The following SPEG variants were observed in gnomAD, a reference collection of about 807,000 sequenced individuals.
SPEG encodes the protein striated muscle preferentially expressed protein kinase.
In SPEG, 114 loss-of-function variants were observed where a neutral mutation model predicts 300.4. That is an observed-to-expected ratio of 0.38 (90% CI 0.33 to 0.44). The LOEUF (loss-of-function observed/expected upper bound fraction) is 0.44. Ranked by LOEUF, SPEG falls within the 20% of genes least tolerant of loss-of-function variation. The pLI is 1.00. For missense variants in SPEG, 4,201 were observed against 4,586.2 expected (o/e 0.92, Z 2.43); for synonymous variants, 1,964 against 2,018.9 (o/e 0.97, Z 0.73).
chr2:219,482,947 C>T, intron 29 of SPEG, 95 bp downstream of exon 29: 1 of 1,427,764 alleles, frequency 7.0e-7, no homozygotes, highest in East Asian at 2.4e-5. Flanking sequence ...CTGCTCCTGT[C>T]TTCTCGCTTT....
In SPEG at chr2:219,451,316, T is replaced by C. The variant is rs1454216539; in HGVS notation, c.2257+37T>C. On this transcript the variant is annotated intron_variant, in intron 5 of 40. Transcript: ENST00000312358. This position sits in a 1 kb window ranked among gnomAD's most constrained non-coding sequence, Gnocchi z 6.4. ...CACTGGGCCAAGGTGCGGTCGAGGT[T>C]GGGAGGGGGTGTGTGAGAAGGGAAG... is the stretch of plus-strand genomic sequence containing the variant. 1.3e-6 allele frequency: 2 copies of C among 1,566,524 alleles called. No homozygotes were observed. The highest frequency in any genetic ancestry group is 3.8e-5 in the Admixed American group (2 of 52,788).
Position 219,473,153 on chromosome 2 carries a change from G to A in SPEG, c.4147+57G>A, listed in dbSNP as rs1692041548. On this transcript the variant is annotated intron_variant, in intron 16 of 40. Transcript: ENST00000312358. This position sits in a 1 kb window ranked among gnomAD's most constrained non-coding sequence, Gnocchi z 4.6. ...GGGAGCTGCTGGGATGGGGAATGGG[G>A]GCCCTGTGGTGGAGGCTCAAGGGAT... 1.3e-6 allele frequency: 2 copies of A among 1,526,832 alleles called. No individual in the cohort carries two copies. The highest frequency in any genetic ancestry group is 1.8e-6 in the Non-Finnish European group (2 of 1,119,850). The allele number at this position is 1,526,832 out of a possible 1,614,324, so 94.6% of individuals were successfully genotyped here.
Position 219,483,878 on chromosome 2 carries a change from CG to C in SPEG, c.6419del (p.Gly2140AlafsTer99). 2 of 1,597,744 alleles carry C rather than the reference CG, an allele frequency of 1.3e-6. No individual in the cohort carries two copies. The highest frequency in any genetic ancestry group is 8.5e-7 in the Non-Finnish European group (1 of 1,177,392). On this transcript the variant is annotated frameshift_variant, in exon 30 of 41. Transcript: ENST00000312358. LOFTEE classifies it high-confidence loss of function. ...SSFSQGEAEP[R>X]GRHRRAGAPL... is the part of the protein sequence containing the mutation. ...CTTCTCCCAGGGTGAGGCGGAGCCC[CG>C]GGGCCGGCACCGCCGAGCGGGGGCG...
At position 219,477,765 on chromosome 2, in the gene SPEG, C is replaced by A; in HGVS notation, c.4806C>A (p.Asp1602Glu). 1.9e-6 allele frequency: 3 copies of A among 1,609,432 alleles called. No individual in the cohort carries two copies. The South Asian group carries it at 3.3e-5, about 18-fold the overall frequency. The change falls in exon 21 of 41, where the codon GAC (aspartate) becomes GAA (glutamate). Residue 1602 changes from aspartate (D) to glutamate (E), a missense_variant. Physicochemically the swap from Asp to Glu is conservative, Grantham distance 45. Transcript: ENST00000312358. The surrounding 1 kb of genome is among the most constrained non-coding windows in gnomAD (Gnocchi z 6.4). ...GAAGGAGACTCAGCGACTTTTATGA[C>A]ATCCACCAGGAGATCGGCAGGTGTG... ...HRGRRLSDFYDIHQEIGRGAF... is the reference protein window; with the variant it reads ...HRGRRLSDFYEIHQEIGRGAF...
At position 219,492,183 on chromosome 2, in the gene SPEG, TG is replaced by T. The variant is rs1238759813; in HGVS notation, c.9535del (p.Asp3179MetfsTer45). 6.2e-7 allele frequency: 1 copy of T among 1,613,664 alleles called. No individual in the cohort carries two copies. Among genetic ancestry groups the T allele is most frequent in the Non-Finnish European group, 8.5e-7 (1 of 1,179,932 alleles). Reference sequence around the variant, plus strand: ...AGGCTCGGATTGTGGGGGGCCGCTTTGATGCCTTCCAGCTGTACCCCAATAC... The same window carrying T: ...AGGCTCGGATTGTGGGGGGCCGCTTTATGCCTTCCAGCTGTACCCCAATAC... The part of the protein sequence containing the change: ...TEARIVGGRF[D>X]AFQLYPNTSQ... On this transcript the variant is annotated frameshift_variant, in exon 40 of 41. Transcript: ENST00000312358. LOFTEE classifies it high-confidence loss of function.
rs1460181369 is a variant in SPEG at position 219,483,627 on chromosome 2, G to A, written c.6164G>A (p.Arg2055Gln). ...AGCCCGGGAGCCACCCGCCTGGCCC[G>A]GGGAGGCCTGGGTGAGGGCGAGTAT... ...SPSPGATRLA[R>Q]GGLGEGEYAQ... The change falls in exon 30 of 41, where the codon CGG becomes CAG. Residue 2055 changes from arginine to glutamine, a missense_variant. Transcript: ENST00000312358. 6.6e-7 allele frequency: 1 copy of A among 1,514,588 alleles called. No individual in the cohort carries two copies. The highest frequency in any genetic ancestry group is 1.2e-5 in the South Asian group (1 of 82,404). 93.8% of individuals were successfully genotyped at this position (1,514,588 alleles called of 1,614,324 possible). A position where few individuals can be genotyped will look rare whatever the true frequency, so the allele number is the denominator to read the frequency against.
At chr2:219,440,561 TTTTATTTATTTA>T (rs10606358) in intron 1 of SPEG, among the ~76,000 whole-genome samples, 139 of 143,652 alleles carry the variant, frequency 9.7e-4, no homozygotes, top group Admixed American at 1.8e-3. Flanking sequence ...ATTTATTTTA[TTTTATTTATTTA>T]TTTATTTATT....
In SPEG at chr2:219,483,149, C is replaced by G; in HGVS notation, c.5686C>G (p.Leu1896Val). 1 of 1,609,406 alleles carries G rather than the reference C, an allele frequency of 6.2e-7. No homozygotes were observed. Among genetic ancestry groups the G allele is most frequent in the Non-Finnish European group, 8.5e-7 (1 of 1,179,492 alleles). ...CCTGGTGCTGCGCCCCATCCCCGAGCTGCTGCGGGCCCCCCCAGAGCGGGT... is the reference window on the plus strand; with the variant it reads ...CCTGGTGCTGCGCCCCATCCCCGAGGTGCTGCGGGCCCCCCCAGAGCGGGT... ...CHLVLRPIPE[L>V]LRAPPERVWV... Residue 1896 changes from leucine (L) to valine (V), a missense_variant, in exon 30 of 41, where the codon CTG becomes GTG. Transcript: ENST00000312358.
rs2125310889 is a variant in SPEG at position 219,451,821 on chromosome 2, C to A, written c.2440+14C>A. 6.6e-7 allele frequency: 1 copy of A among 1,519,774 alleles called. No homozygotes were observed. 94.1% of individuals were successfully genotyped at this position (1,519,774 alleles called of 1,614,324 possible). On this transcript the variant is annotated intron_variant, in intron 6 of 40. Coordinates refer to ENST00000312358, the MANE Select transcript of SPEG (RefSeq NM_005876.5). The surrounding 1 kb of genome is among the most constrained non-coding windows in gnomAD (Gnocchi z 6.4). ...CCGTGAGACCCGGTAGGGAGCCCAT[C>A]AACCCTGGGGCTGGGTGGGGGCAAG...
intron 28 of SPEG, 70 bp from the exon 29 acceptor site, chr2:219,482,712 GTC>G (rs1692965870): frequency 7.1e-6 from 10 of 1,403,340 alleles, no homozygotes; most frequent in African/African-American, 1.4e-5. Context: ...CATGGACTTT[GTC>G]TCTCTGTTGC....
rs368256206 is a variant in SPEG, at chr2:219,481,322, G to A, written c.5388G>A (p.Pro1796=). 4.2e-5 allele frequency: 67 copies of A among 1,614,000 alleles called. No homozygotes were observed. The African/African-American group carries it at 6.3e-4, about 15-fold the overall frequency. The change falls in exon 27 of 41, where the codon CCG becomes CCA. Residue 1796 remains proline, a synonymous_variant. Transcript: ENST00000312358. This position sits in a 1 kb window ranked among gnomAD's most constrained non-coding sequence, Gnocchi z 5.4. ...VAFLCLTGIS[P]FVGENDRTTL... ...CCTGCAGTCTGACAGGAATCTCCCC[G>A]TTTGTTGGGGAAAATGACCGGACAA...
At chr2:219,467,069 C>G in intron 9 of SPEG, 105 bp from the exon 10 acceptor site, 1 of 1,335,004 alleles carries the variant, frequency 7.5e-7, no homozygotes. Context: ...CAAAATGCAT[C>G]TCTCTCTCTG....
In SPEG at chr2:219,448,368, C is replaced by G; in HGVS notation, c.1210C>G (p.Leu404Val). 1 of 1,575,592 alleles carries G rather than the reference C, an allele frequency of 6.3e-7. No individual in the cohort carries two copies. The highest frequency in any genetic ancestry group is 8.6e-7 in the Non-Finnish European group (1 of 1,162,836). ...CGCCGGCTCCCGCATCCTGGACAAG[C>G]TGCAGTTCTTCGAGGAGCGACGGCG... is the stretch of plus-strand genomic sequence containing the variant. ...VRAGSRILDK[L>V]QFFEERRRSL... Residue 404 changes from leucine (L) to valine (V), a missense_variant, in exon 4 of 41, where the codon CTG (leucine) becomes GTG (valine). Around this residue, in one of 4 missense-constraint regions of SPEG, gnomAD observed 1,258 missense variants for 1,293.9 expected, o/e 0.97. Coordinates refer to ENST00000312358, the MANE Select transcript of SPEG (RefSeq NM_005876.5).
At chr2:219,442,309 C>G (rs1279968794) in intron 1 of SPEG, among the ~76,000 whole-genome samples, 1 of 151,954 alleles carries the variant, frequency 6.6e-6, no homozygotes, top group African/African-American at 2.4e-5. Flanking sequence ...ATCCCCCGCT[C>G]CCCGATCGCC....
chr2:219,477,333 G>A lies in SPEG; in HGVS notation c.4617G>A (p.Glu1539=), dbSNP rs2125516657. 6.2e-7 allele frequency: 1 copy of A among 1,613,718 alleles called. No individual in the cohort carries two copies. Among genetic ancestry groups the A allele is most frequent in the Middle Eastern group, 1.7e-4 (1 of 6,058 alleles). The change falls in exon 20 of 41, where the codon GAG becomes GAA. Residue 1539 remains glutamate (E), a synonymous_variant. Transcript: ENST00000312358. The surrounding 1 kb of genome is among the most constrained non-coding windows in gnomAD (Gnocchi z 6.4). ...TGAGCTTCGTGTACGAGGAGAATGAGTGCTCCCTGGTGGTGCTCAGCACGG... is the reference window on the plus strand; with the variant it reads ...TGAGCTTCGTGTACGAGGAGAATGAATGCTCCCTGGTGGTGCTCAGCACGG... The part of the protein sequence containing the change: ...SHVSFVYEEN[E]CSLVVLSTGA...
Position 219,448,312 on chromosome 2 carries a change from C to T in SPEG, c.1154C>T (p.Ser385Leu), listed in dbSNP as rs1282654555. The change falls in exon 4 of 41, where the codon TCG (serine) becomes TTG (leucine). Residue 385 changes from serine (S) to leucine (L), a missense_variant. By Grantham distance (145) the Ser-to-Leu change is moderately radical (BLOSUM62 -2). This residue lies in a region of SPEG where 1,258 missense variants were observed against 1,293.9 expected (regional missense o/e 0.97). Transcript: ENST00000312358. ...CTGAGCGAGGCCTCAGGCCGCCTGTCGGCGTTGGGCCGATCGCCTAGGCTG... is the reference window on the plus strand; with the variant it reads ...CTGAGCGAGGCCTCAGGCCGCCTGTTGGCGTTGGGCCGATCGCCTAGGCTG... ...TPLSEASGRLSALGRSPRLVR... is the reference protein window; with the variant it reads ...TPLSEASGRLLALGRSPRLVR... 3 of 1,605,524 alleles carry T rather than the reference C, an allele frequency of 1.9e-6. No homozygotes were observed. Among genetic ancestry groups the T allele is most frequent in the Non-Finnish European group, 2.5e-6 (3 of 1,177,150 alleles).
chr2:219,462,063 A>G lies in SPEG; in HGVS notation c.2616+6A>G. 6.3e-7 allele frequency: 1 copy of G among 1,593,674 alleles called. No homozygotes were observed. Among genetic ancestry groups the G allele is most frequent in the Non-Finnish European group, 8.5e-7 (1 of 1,172,672 alleles). ...AGGCACCCCCCACCTTCAAGGTCAG[A>G]CCCCTGAGGCTGGGGCCTAGCCTCC... On this transcript the variant is annotated splice_donor_region_variant and intron_variant, in intron 7 of 40. Coordinates refer to ENST00000312358, the MANE Select transcript of SPEG (RefSeq NM_005876.5).
At chr2:219,441,478 C>T (rs926635097) in intron 1 of SPEG, 6 of 467,924 alleles carry the variant, frequency 1.3e-5, no homozygotes, top group African/African-American at 1.0e-4. Context: ...CGCCCCCACC[C>T]GGCGCTGTGC....
chr2:219,462,464 A>G (rs1473515337), intron 8 of SPEG, 78 bp downstream of exon 8: 8 of 1,206,808 alleles, frequency 6.6e-6, no homozygotes, highest in Non-Finnish European at 8.2e-6. Flanking sequence ...TTTGGGTGGA[A>G]GGAAATGGAA....
Sources: allele counts gnomAD v4.1 joint callset (sites outside exome capture counted in the v4.1 genomes callset), GRCh38; gene constraint gnomAD v4.1.1; regional missense constraint gnomAD v4.1.1; non-coding constraint Gnocchi (gnomAD v3.1); transcripts MANE v1.5; gene names NCBI Gene and HGNC (gene_info 2026-07-23, HGNC 2026-07-21).